MGAT4A: variants seen among roughly 807,000 people sequenced by gnomAD.
MGAT4A encodes the protein N-acetylglucosaminyltransferase IVa.
In MGAT4A, 33 loss-of-function variants were observed where a neutral mutation model predicts 74.1. The observed-to-expected ratio is 0.45, with a 90% CI of 0.34 to 0.60. The LOEUF (loss-of-function observed/expected upper bound fraction) is 0.60. Ranked by LOEUF, MGAT4A falls within the 20% of genes least tolerant of loss-of-function variation. The pLI, the probability that MGAT4A is intolerant of heterozygous loss-of-function variation, is 0.02. For synonymous variants in MGAT4A, 198 were observed against 210.4 expected, an observed-to-expected ratio of 0.94 and a Z score of 0.51; for missense variants, 479 against 628.3, an observed-to-expected ratio of 0.76 and a Z score of 2.54.
chr2:98,665,926 C>T (rs559360107), intron 4 of MGAT4A, among the ~76,000 whole-genome samples: 2 of 152,296 alleles, frequency 1.3e-5, no homozygotes, highest in South Asian at 4.1e-4. Flanking sequence ...GCAGAATAAG[C>T]CCAGATTGAG....
At chr2:98,660,830 G>A (rs1320449452) in intron 5 of MGAT4A, among the ~76,000 whole-genome samples, 2 of 152,076 alleles carry the variant, frequency 1.3e-5, no homozygotes, top group African/African-American at 4.8e-5. Flanking sequence ...GAAAACATAA[G>A]GGAAAAACTA....
At chr2:98,636,146 C>A (rs183106873) in intron 13 of MGAT4A, among the ~76,000 whole-genome samples, 4 of 151,964 alleles carry the variant, frequency 2.6e-5, no homozygotes, top group African/African-American at 9.6e-5. Context: ...GCGCATGCCA[C>A]GATTCCTGGC....
rs901221096 is a variant in MGAT4A, at chr2:98,642,756, T to G, written c.1020+1167A>C. Reference sequence around the variant, plus strand: ...TAAAAAATGATTTGTTTAAAACAATTTATATGTTCAACTAATTGTCGGAAA... The same window carrying G: ...TAAAAAATGATTTGTTTAAAACAATGTATATGTTCAACTAATTGTCGGAAA... On this transcript the variant is annotated intron_variant, in intron 10 of 15. Transcript: ENST00000393487. 4.6e-5 allele frequency among the ~76,000 whole-genome samples: 7 copies of G among 152,216 alleles called. 1 individual carries two copies. Among genetic ancestry groups the G allele is most frequent in the Admixed American group, 4.6e-4 (7 of 15,276 alleles).
chr2:98,642,251 C>G (rs1046071664), intron 10 of MGAT4A, among the ~76,000 whole-genome samples: 2 of 152,114 alleles, frequency 1.3e-5, no homozygotes. Flanking sequence ...GCAAAACCAC[C>G]GAGGCAGTGT....
intron 4 of MGAT4A, chr2:98,663,607 C>T (rs761017542): frequency 2.7e-5 from 14 of 510,348 alleles, no homozygotes; most frequent in East Asian, 4.4e-5. Flanking sequence ...TCAACTTAAC[C>T]GTAAAGAAAC....
chr2:98,726,503 T>C lies in MGAT4A; in HGVS notation c.-171A>G. 1 of 537,152 alleles carries C rather than the reference T, an allele frequency of 1.9e-6. No individual in the cohort carries two copies. Among genetic ancestry groups the C allele is most frequent in the Non-Finnish European group, 3.3e-6 (1 of 302,036 alleles). The allele number at this position is 537,152 out of a possible 1,614,324, so 33.3% of individuals were successfully genotyped here. A position where few individuals can be genotyped will look rare whatever the true frequency, so the allele number is the denominator to read the frequency against. On this transcript the variant is annotated 5_prime_UTR_variant, in exon 2 of 16. Coordinates refer to ENST00000393487, the MANE Select transcript of MGAT4A (RefSeq NM_012214.3). ...CAGGAGGAGCCTAGCAGCAATGCTG[T>C]TCACAACTGTACTCGGGATCGTCTT... is the stretch of plus-strand genomic sequence containing the variant.
At chr2:98,678,555 G>A in intron 2 of MGAT4A, 84 bp from the exon 3 acceptor site, 1 of 909,122 alleles carries the variant, frequency 1.1e-6, no homozygotes, top group Non-Finnish European at 1.5e-6. Context: ...AAATTACAAA[G>A]TTTAAAGTTG....
At chr2:98,681,884 A>T (rs1702065163) in intron 2 of MGAT4A, among the ~76,000 whole-genome samples, 1 of 152,222 alleles carries the variant, frequency 6.6e-6, no homozygotes, top group South Asian at 2.1e-4. Context: ...ACCAAAAGAA[A>T]AAAATGACAG....
intron 2 of MGAT4A, among the ~76,000 whole-genome samples, chr2:98,724,201 T>C (rs1011017155): frequency 2.6e-5 from 4 of 151,886 alleles, no homozygotes; most frequent in African/African-American, 9.7e-5. Context: ...CATGAATGAA[T>C]GAAAAAACAA....
chr2:98,658,190 T>A (rs2271670), intron 6 of MGAT4A, 28 bp downstream of exon 6: 1 of 1,440,606 alleles, frequency 6.9e-7, no homozygotes, highest in Non-Finnish European at 9.6e-7. Flanking sequence ...CCAAAATATT[T>A]GTATGTTTAT....
intron 1 of MGAT4A, among the ~76,000 whole-genome samples, chr2:98,730,590 C>T (rs1439917565): frequency 6.6e-6 from 1 of 151,258 alleles, no homozygotes; most frequent in Admixed American, 6.6e-5. Context: ...TCCCGCGCAG[C>T]CCCCGGGTCC....
chr2:98,699,796 T>G (rs1231932000), intron 2 of MGAT4A, among the ~76,000 whole-genome samples: 1 of 152,132 alleles, frequency 6.6e-6, no homozygotes, highest in Non-Finnish European at 1.5e-5. Flanking sequence ...GAGACACATA[T>G]GTAGTACTGT....
intron 2 of MGAT4A, among the ~76,000 whole-genome samples, chr2:98,705,050 GA>G (rs1167799853): frequency 6.6e-6 from 1 of 152,108 alleles, no homozygotes; most frequent in Non-Finnish European, 1.5e-5. Flanking sequence ...TTCCGATAAG[GA>G]AACCCAAGTT....
rs1702851153 is a variant in MGAT4A at position 98,731,099 on chromosome 2, C to CGCTGTA, written c.-288_-287insTACAGC. The CGCTGTA allele has an allele frequency of 1.4e-5, 2 of 138,260 alleles. No individual in the cohort carries two copies. The highest frequency in any genetic ancestry group is 3.2e-5 in the Non-Finnish European group (2 of 63,318). The allele number at this position is 138,260 out of a possible 1,614,324, so 8.6% of individuals were successfully genotyped here. A position where few individuals can be genotyped will look rare whatever the true frequency, so the allele number is the denominator to read the frequency against. The stretch of plus-strand genomic sequence containing the variant: ...CGGCTGCCGGCGGAGCTGCTGTAGC[C>CGCTGTA]GCCGCCGCCGCTGCCGCCGCCGCTG... On this transcript the variant is annotated 5_prime_UTR_variant, in exon 1 of 16. Transcript: ENST00000393487. The surrounding 1 kb of genome is among the most constrained non-coding windows in gnomAD (Gnocchi z 4.8).
intron 2 of MGAT4A, among the ~76,000 whole-genome samples, chr2:98,704,353 T>A (rs939404445): frequency 6.6e-6 from 1 of 152,156 alleles, no homozygotes; most frequent in Admixed American, 6.5e-5. Context: ...TTGAGACCAG[T>A]CTGAGCAACA....
chr2:98,641,765 T>G (rs1042296181), intron 10 of MGAT4A, among the ~76,000 whole-genome samples: 1 of 150,850 alleles, frequency 6.6e-6, no homozygotes, highest in African/African-American at 2.4e-5. Context: ...GAGGCTGAGG[T>G]TGGGGGATCA....
intron 2 of MGAT4A, among the ~76,000 whole-genome samples, chr2:98,699,824 A>T (rs953393339): frequency 6.6e-6 from 1 of 152,168 alleles, no homozygotes; most frequent in Non-Finnish European, 1.5e-5. Flanking sequence ...ATTAGCAAAC[A>T]TAGGAAGCCA....
At chr2:98,639,546 A>G (rs1412388461) in intron 12 of MGAT4A, among the ~76,000 whole-genome samples, 2 of 152,176 alleles carry the variant, frequency 1.3e-5, no homozygotes, top group Non-Finnish European at 2.9e-5. Flanking sequence ...GTTCCGCAAA[A>G]AAGTATTAAA....
chr2:98,653,268 G>A (rs865794931), intron 8 of MGAT4A, among the ~76,000 whole-genome samples: 133 of 106,492 alleles, frequency 1.2e-3, no homozygotes, highest in Middle Eastern at 0.01. Flanking sequence ...TTGAAAAAAA[G>A]AAACAAACTA....
Sources: gnomAD v4.1 joint callset for allele counts (sites outside exome capture counted in the v4.1 genomes callset) on GRCh38, gnomAD v4.1.1 for gene constraint, Gnocchi (gnomAD v3.1) non-coding constraint, MANE v1.5 for transcripts, NCBI Gene and HGNC (gene_info 2026-07-23, HGNC 2026-07-21) for gene names.